ZSCAN5A: variants seen among roughly 807,000 people sequenced by gnomAD.
ZSCAN5A encodes the protein zinc finger and SCAN domain-containing protein 5A.
In ZSCAN5A, 12 loss-of-function variants were observed where a neutral mutation model predicts 23.7. The observed-to-expected ratio is 0.51, with a 90% CI of 0.32 to 0.82. ZSCAN5A has a LOEUF of 0.82. Ranked by LOEUF, ZSCAN5A falls within the 40% of genes least tolerant of loss-of-function variation. The probability of loss-of-function intolerance (pLI) is 0.03; values close to 1 mark genes in which losing one functional copy is unlikely to be tolerated. For missense variants in ZSCAN5A, 597 were observed against 617.9 expected, an observed-to-expected ratio of 0.97 and a Z score of 0.36; for synonymous variants, 257 against 239.9, an observed-to-expected ratio of 1.07 and a Z score of -0.66.
chr19:56,336,410 C>T (rs1042212256), intron 2 of ZSCAN5A, among the ~76,000 whole-genome samples: 15 of 152,192 alleles, frequency 9.9e-5, no homozygotes, highest in Middle Eastern at 6.3e-3. Context: ...TCACGTAGTT[C>T]TCATGCCGTG....
intron 2 of ZSCAN5A, among the ~76,000 whole-genome samples, chr19:56,327,958 AT>A (rs1429782064): frequency 1.3e-5 from 2 of 152,208 alleles, no homozygotes; most frequent in African/African-American, 2.4e-5. Context: ...ATATATTCAC[AT>A]TAGTACATAT....
intron 2 of ZSCAN5A, among the ~76,000 whole-genome samples, chr19:56,329,377 A>AAC (rs1180516238): frequency 5.9e-5 from 9 of 151,954 alleles, no homozygotes; most frequent in Non-Finnish European, 1.5e-5. Context: ...CAAACAAACA[A>AAC]ACAAAAGTTG....
At chr19:56,324,943 G>T (rs1453088359) in intron 2 of ZSCAN5A, among the ~76,000 whole-genome samples, 1 of 152,146 alleles carries the variant, frequency 6.6e-6, no homozygotes, top group Non-Finnish European at 1.5e-5. Context: ...GAGCCCAGTC[G>T]TGAAGGGCCC....
intron 2 of ZSCAN5A, among the ~76,000 whole-genome samples, chr19:56,359,635 C>T (rs959551615): frequency 1.3e-5 from 2 of 152,052 alleles, no homozygotes; most frequent in Admixed American, 6.6e-5. Context: ...AAAAATAAAA[C>T]TTCTTGCCAA....
At chr19:56,350,436 A>C (rs2041660516) in intron 2 of ZSCAN5A, among the ~76,000 whole-genome samples, 1 of 152,244 alleles carries the variant, frequency 6.6e-6, no homozygotes, top group African/African-American at 2.4e-5. Context: ...GTCATAAAAG[A>C]ATTTAGTAAT....
At chr19:56,270,743 A>G (rs1398737016) in intron 2 of ZSCAN5A, among the ~76,000 whole-genome samples, 3 of 152,056 alleles carry the variant, frequency 2.0e-5, no homozygotes, top group Non-Finnish European at 4.4e-5. Context: ...TGGCTCCCCA[A>G]ACATGGTGGC....
intron 2 of ZSCAN5A, among the ~76,000 whole-genome samples, chr19:56,248,310 C>G (rs34002195): frequency 0.33 from 49,450 of 151,900 alleles, 8,318 homozygotes; most frequent in African/African-American, 0.4. Context: ...ACCCAGGCTG[C>G]AGTGCAGTGG....
chr19:56,327,573 A>G (rs1406915859), intron 2 of ZSCAN5A, among the ~76,000 whole-genome samples: 1 of 151,192 alleles, frequency 6.6e-6, no homozygotes, highest in Admixed American at 6.6e-5. Flanking sequence ...GACATTAAAT[A>G]TATACAAATA....
chr19:56,345,515 GA>G (rs1345277649), intron 2 of ZSCAN5A, among the ~76,000 whole-genome samples: 1 of 152,154 alleles, frequency 6.6e-6, no homozygotes, highest in Non-Finnish European at 1.5e-5. Context: ...CAACTCAGGT[GA>G]AAATCAAATA....
chr19:56,368,180 C>G (rs1463957629), intron 1 of ZSCAN5A: 1 of 152,376 alleles, frequency 6.6e-6, no homozygotes, highest in East Asian at 1.9e-4. Context: ...CGCGTCGAGG[C>G]CCTACGGGGC....
chr19:56,239,975 A>C (rs10410634), intron 2 of ZSCAN5A, among the ~76,000 whole-genome samples: 16,268 of 152,126 alleles, frequency 0.11, 1,016 homozygotes, highest in South Asian at 0.26. Flanking sequence ...CAGCCTGGCC[A>C]ACATGGTGAA....
In ZSCAN5A at chr19:56,223,662, A is replaced by G. The variant is rs776925397; in HGVS notation, c.557T>C (p.Leu186Pro). The G allele has an allele frequency of 3.1e-5, 50 of 1,613,324 alleles. No homozygotes were observed. The highest frequency in any genetic ancestry group is 4.0e-5 in the Non-Finnish European group (47 of 1,179,902). Reference sequence around the variant, plus strand: ...CCTGGACAATGCAGGGACCCTGGGCAGGATCTGCAGCTCTCGGTGGGCCTG... The same window carrying G: ...CCTGGACAATGCAGGGACCCTGGGCGGGATCTGCAGCTCTCGGTGGGCCTG... The part of the protein sequence containing the change: ...EGQAHRELQI[L>P]PRVPALSRRQ... The change falls in exon 4 of 6, where the codon CTG becomes CCG. Residue 186 changes from leucine (L) to proline (P), a missense_variant. Transcript: ENST00000683990.
chr19:56,292,709 A>G (rs1470966542), intron 2 of ZSCAN5A, among the ~76,000 whole-genome samples: 4 of 152,108 alleles, frequency 2.6e-5, no homozygotes, highest in Non-Finnish European at 5.9e-5. Context: ...CCCATTAAAC[A>G]GTCAGTCCCC....
chr19:56,234,807 C>T (rs1316009667), intron 2 of ZSCAN5A, among the ~76,000 whole-genome samples: 1 of 152,166 alleles, frequency 6.6e-6, no homozygotes, highest in Non-Finnish European at 1.5e-5. Flanking sequence ...GAATTGCTCA[C>T]TCGTGGAGCT....
intron 2 of ZSCAN5A, among the ~76,000 whole-genome samples, chr19:56,226,844 T>C (rs1294063100): frequency 6.6e-6 from 1 of 152,130 alleles, no homozygotes; most frequent in African/African-American, 2.4e-5. Context: ...GGTAGAGTCA[T>C]ACCTCACACC....
At chr19:56,355,441 T>A (rs2041695348) in intron 2 of ZSCAN5A, among the ~76,000 whole-genome samples, 1 of 148,822 alleles carries the variant, frequency 6.7e-6, no homozygotes, top group Admixed American at 6.6e-5. Context: ...TACTCCATGA[T>A]TTTGAAGATC....
chr19:56,251,482 C>G (rs1287891830), intron 2 of ZSCAN5A, among the ~76,000 whole-genome samples: 3 of 152,144 alleles, frequency 2.0e-5, no homozygotes, highest in African/African-American at 7.2e-5. Context: ...CAGCAATTTG[C>G]ACAAGCAGCA....
intron 2 of ZSCAN5A, among the ~76,000 whole-genome samples, chr19:56,350,962 A>G (rs1262533895): frequency 6.6e-6 from 1 of 151,996 alleles, no homozygotes; most frequent in Non-Finnish European, 1.5e-5. Flanking sequence ...AGAACCTCAG[A>G]TCAACCACAG....
intron 2 of ZSCAN5A, among the ~76,000 whole-genome samples, chr19:56,359,356 C>T (rs372511695): frequency 6.6e-6 from 1 of 152,094 alleles, no homozygotes; most frequent in Admixed American, 6.6e-5. Flanking sequence ...TGGACACATA[C>T]ACCCTCCCAA....
Sources: gnomAD v4.1 joint callset for allele counts (sites outside exome capture counted in the v4.1 genomes callset) on GRCh38, gnomAD v4.1.1 for gene constraint, MANE v1.5 for transcripts, NCBI Gene and HGNC (gene_info 2026-07-23, HGNC 2026-07-21) for gene names.